TNRC6A: variants seen among roughly 807,000 people sequenced by gnomAD.
The protein encoded by TNRC6A is trinucleotide repeat-containing gene 6A protein.
A neutral mutation model predicts 221.2 loss-of-function variants in TNRC6A; 44 were observed. That is an observed-to-expected ratio of 0.20 (90% CI 0.16 to 0.26). The LOEUF is 0.26. Ranked by LOEUF, TNRC6A falls within the 10% of genes least tolerant of loss-of-function variation. TNRC6A has a pLI of 1.00. For missense variants in TNRC6A, 2,199 were observed against 2,404.4 expected (o/e 0.91, Z 1.79); for synonymous variants, 847 against 838.5 (o/e 1.01, Z -0.18).
intron 1 of TNRC6A, among the ~76,000 whole-genome samples, chr16:24,631,062 T>G (rs1055128846): frequency 3.3e-5 from 5 of 151,860 alleles, no homozygotes; most frequent in African/African-American, 1.2e-4. Context: ...CGCCAATTCA[T>G]TCTGGAGAAG....
chr16:24,625,822 G>A (rs1353512518), intron 1 of TNRC6A, among the ~76,000 whole-genome samples: 1 of 151,804 alleles, frequency 6.6e-6, no homozygotes, highest in Non-Finnish European at 1.5e-5. Flanking sequence ...TGAGGCAGGA[G>A]AATTGCTTGA....
intron 2 of TNRC6A, among the ~76,000 whole-genome samples, chr16:24,714,453 T>C (rs1324694822): frequency 6.6e-6 from 1 of 151,028 alleles, no homozygotes; most frequent in African/African-American, 2.4e-5. Context: ...GGACTACAGG[T>C]GCCCACCACC....
chr16:24,652,544 A>C (rs1268680403), intron 2 of TNRC6A, among the ~76,000 whole-genome samples: 1 of 152,190 alleles, frequency 6.6e-6, no homozygotes, highest in African/African-American at 2.4e-5. Flanking sequence ...CATCCAACCC[A>C]CTGACTGCAA....
At chr16:24,809,599 T>C (rs1364225244) in intron 18 of TNRC6A, 118 bp downstream of exon 18, 6 of 1,255,926 alleles carry the variant, frequency 4.8e-6, no homozygotes, top group Non-Finnish European at 6.2e-6. Flanking sequence ...CTTAGAACTT[T>C]TCCTCATTTA....
chr16:24,610,408 C>G (rs1944070198), exon 1 of TNRC6A: 2 of 152,432 alleles, frequency 1.3e-5, no homozygotes, highest in South Asian at 4.1e-4. Flanking sequence ...CGCCGGGTAC[C>G]TGGAGACCAG....
In TNRC6A at chr16:24,823,456, T is replaced by C. The variant is rs754227068; in HGVS notation, c.5538T>C (p.Ile1846=). The change falls in exon 25 of 25, where the codon ATT becomes ATC. Residue 1846 remains isoleucine (I), a synonymous_variant. Transcript: ENST00000395799. The surrounding 1 kb of genome is among the most constrained non-coding windows in gnomAD (Gnocchi z 4.3). ...LHMCVLGNTT[I]LAEFASEEEI... ...GGTGTGTACTGGGGAACACTACTAT[T>C]CTTGCTGAGTTTGCCAGTGAAGAGG... The C allele has an allele frequency of 5.6e-6, 9 of 1,613,616 alleles. No homozygotes were observed. The Admixed American group carries it at 1.3e-4, about 24-fold the overall frequency.
intron 1 of TNRC6A, among the ~76,000 whole-genome samples, chr16:24,623,481 A>G (rs955020215): frequency 1.3e-5 from 2 of 152,156 alleles, no homozygotes; most frequent in Non-Finnish European, 2.9e-5. Context: ...AGGCTGGGTC[A>G]TTCTTCATGT....
chr16:24,674,558 A>G (rs2055368574), intron 2 of TNRC6A, among the ~76,000 whole-genome samples: 1 of 152,170 alleles, frequency 6.6e-6, no homozygotes, highest in Non-Finnish European at 1.5e-5. Flanking sequence ...TTTAGGTGAA[A>G]GTGGGCCATC....
At chr16:24,781,043 C>CTTTTTTTTTTTTTTTTTTT (rs35502747) in intron 5 of TNRC6A, among the ~76,000 whole-genome samples, 3 of 53,426 alleles carry the variant, frequency 5.6e-5, no homozygotes, top group African/African-American at 2.7e-4. Context: ...CCTCCATACT[C>CTTTTTTTTTTTTTTTTTTT]TTTTTTTTTT....
At chr16:24,622,231 C>A (rs927726220) in intron 1 of TNRC6A, among the ~76,000 whole-genome samples, 2 of 152,014 alleles carry the variant, frequency 1.3e-5, no homozygotes, top group African/African-American at 4.8e-5. Context: ...ACCAACATAG[C>A]AAGACTCTAT....
At chr16:24,785,145 A>G (rs1161438854) in intron 5 of TNRC6A, among the ~76,000 whole-genome samples, 13 of 152,188 alleles carry the variant, frequency 8.5e-5, no homozygotes, top group Admixed American at 6.5e-5. Flanking sequence ...TTTTCTGTTC[A>G]GTCAAAGTGC....
Position 24,806,119 on chromosome 16 carries a change from T to G in TNRC6A, c.4252-87T>G, listed in dbSNP as rs151095626. The G allele has an allele frequency of 6.7e-6, 10 of 1,482,212 alleles. No individual in the cohort carries two copies. The African/African-American group carries it at 1.1e-4, about 16-fold the overall frequency. 91.8% of individuals were successfully genotyped at this position (1,482,212 alleles called of 1,614,324 possible). A position where few individuals can be genotyped will look rare whatever the true frequency, so the allele number is the denominator to read the frequency against. On this transcript the variant is annotated intron_variant, in intron 15 of 24. Transcript: ENST00000395799. ...GGCATTGGCTAGATCACGTCGTGCC[T>G]CTGTAGGTCCATCTGCTGTCGTCAT... is the stretch of plus-strand genomic sequence containing the variant.
At chr16:24,705,258 T>C (rs1043844094) in intron 2 of TNRC6A, among the ~76,000 whole-genome samples, 1 of 152,146 alleles carries the variant, frequency 6.6e-6, no homozygotes, top group African/African-American at 2.4e-5. Flanking sequence ...ACATCTAGAA[T>C]TTCTAGAGTC....
upstream of TNRC6A, among the ~76,000 whole-genome samples, chr16:24,726,117 A>G (rs1341660700): frequency 1.3e-5 from 2 of 152,162 alleles, no homozygotes; most frequent in Non-Finnish European, 2.9e-5. Flanking sequence ...GGTGCTCAAT[A>G]AATACTGTGT....
chr16:24,698,582 G>A (rs1419449551), intron 2 of TNRC6A, among the ~76,000 whole-genome samples: 3 of 152,218 alleles, frequency 2.0e-5, no homozygotes, highest in South Asian at 2.1e-4. Context: ...TTTCACAAGT[G>A]CATAAACTGA....
intron 1 of TNRC6A, among the ~76,000 whole-genome samples, chr16:24,637,996 G>T (rs554607946): frequency 2.0e-5 from 3 of 152,140 alleles, no homozygotes; most frequent in African/African-American, 7.2e-5. Context: ...TGTTGGCCAG[G>T]CTGGTCTCAA....
At chr16:24,612,976 G>A (rs746471493) in intron 1 of TNRC6A, among the ~76,000 whole-genome samples, 2 of 151,964 alleles carry the variant, frequency 1.3e-5, no homozygotes, top group Non-Finnish European at 2.9e-5. Flanking sequence ...GCCGGGAGTG[G>A]TAGTTTACAC....
chr16:24,794,674 C>T lies in TNRC6A; in HGVS notation c.3483C>T (p.Asn1161=). The T allele has an allele frequency of 3.1e-6, 5 of 1,613,836 alleles. No individual in the cohort carries two copies. The highest frequency in any genetic ancestry group is 3.4e-6 in the Non-Finnish European group (4 of 1,179,842). Residue 1161 remains asparagine (N), a synonymous_variant, in exon 8 of 25, where the codon AAC becomes AAT. Coordinates refer to ENST00000395799, the MANE Select transcript of TNRC6A (RefSeq NM_014494.4). The stretch of plus-strand genomic sequence containing the variant: ...ATAGTAATTCATCTCAAGAGCTTAA[C>T]TCATCTTTAAATTGGCCACCATATA... The part of the protein sequence containing the change: ...MWNSNSSQEL[N]SSLNWPPYTK...
At chr16:24,794,183 A>C (rs1164100779) in intron 7 of TNRC6A, among the ~76,000 whole-genome samples, 4 of 152,190 alleles carry the variant, frequency 2.6e-5, no homozygotes. Context: ...ATTCTCCCTA[A>C]AAATATATAT....
Sources: gnomAD v4.1 joint callset for allele counts (sites outside exome capture counted in the v4.1 genomes callset) on GRCh38, gnomAD v4.1.1 for gene constraint, Gnocchi (gnomAD v3.1) non-coding constraint, MANE v1.5 for transcripts, NCBI Gene and HGNC (gene_info 2026-07-23, HGNC 2026-07-21) for gene names.